The following IPCEF1 variants were observed in gnomAD, a reference collection of about 807,000 sequenced individuals.
IPCEF1 encodes the protein interaction protein for cytohesin exchange factors 1, also known as interactor protein for cytohesin exchange factors 1.
A neutral mutation model predicts 50.9 loss-of-function variants in IPCEF1; 31 were observed. The observed-to-expected ratio is 0.61, with a 90% CI of 0.46 to 0.82. IPCEF1 has a LOEUF of 0.82. Among genes scored for constraint, IPCEF1 ranks in the 40% least tolerant of loss-of-function variants. The pLI is 0.00. For synonymous variants in IPCEF1, 181 were observed against 192.0 expected (o/e 0.94, Z 0.47); for missense variants, 458 against 514.0 (o/e 0.89, Z 1.05).
At chr6:154,227,790 C>T (rs1424064241) in intron 5 of IPCEF1, among the ~76,000 whole-genome samples, 1 of 152,074 alleles carries the variant, frequency 6.6e-6, no homozygotes, top group Non-Finnish European at 1.5e-5. Context: ...TGGGTGGATT[C>T]CTTTTCTGCA....
At chr6:154,291,583 T>A (rs1017586868) in intron 1 of IPCEF1, among the ~76,000 whole-genome samples, 3 of 151,960 alleles carry the variant, frequency 2.0e-5, no homozygotes, top group Non-Finnish European at 4.4e-5. Context: ...GAGTCACTTG[T>A]AGACATAAAG....
In IPCEF1 at chr6:154,157,033, T is replaced by C. The variant is rs1798745284; in HGVS notation, c.*2795A>G. On this transcript the variant is annotated 3_prime_UTR_variant, in exon 12 of 12. Transcript: ENST00000367220. ...GACACTGCAGGACTGGGTATAGGAA[T>C]TGGCCCTTGGACCCCAGGAAACTAC... 1 of 152,246 alleles carries C rather than the reference T, an allele frequency of 6.6e-6. No homozygotes were observed. Among genetic ancestry groups the C allele is most frequent in the Non-Finnish European group, 1.5e-5 (1 of 68,088 alleles). 9.4% of individuals were successfully genotyped at this position (152,246 alleles called of 1,614,324 possible).
intron 1 of IPCEF1, among the ~76,000 whole-genome samples, chr6:154,291,990 G>A (rs901909364): frequency 2.6e-5 from 4 of 152,112 alleles, no homozygotes; most frequent in African/African-American, 9.7e-5. Flanking sequence ...GCCACACTCA[G>A]GAAATTTTAA....
chr6:154,344,092 T>C (rs1783976832), intron 1 of IPCEF1, among the ~76,000 whole-genome samples: 1 of 152,184 alleles, frequency 6.6e-6, no homozygotes, highest in African/African-American at 2.4e-5. Flanking sequence ...TCTAGCCTCC[T>C]CATAAAACTG....
intron 1 of IPCEF1, among the ~76,000 whole-genome samples, chr6:154,311,437 A>G (rs986648188): frequency 2.0e-5 from 3 of 152,164 alleles, no homozygotes; most frequent in Non-Finnish European, 4.4e-5. Flanking sequence ...TTGAATTATC[A>G]CCAATGCTAA....
intron 5 of IPCEF1, among the ~76,000 whole-genome samples, chr6:154,226,474 A>C (rs1338288928): frequency 6.6e-6 from 1 of 152,054 alleles, no homozygotes; most frequent in Non-Finnish European, 1.5e-5. Flanking sequence ...TGTGAGAGAC[A>C]TCCCCAACTC....
intron 1 of IPCEF1, among the ~76,000 whole-genome samples, chr6:154,326,116 C>T (rs1783511463): frequency 6.6e-6 from 1 of 151,432 alleles, no homozygotes; most frequent in African/African-American, 2.4e-5. Flanking sequence ...GTCCCAGCTA[C>T]TTGGGAGGCT....
At chr6:154,207,387 T>A (rs1226636046) in intron 9 of IPCEF1, among the ~76,000 whole-genome samples, 3 of 152,242 alleles carry the variant, frequency 2.0e-5, no homozygotes, top group Admixed American at 6.5e-5. Flanking sequence ...GTATATATAG[T>A]CACTGAGAAT....
rs967597111 is a variant in IPCEF1, at chr6:154,221,105, C to T, written c.392+152G>A. The T allele has an allele frequency of 1.5e-5, 9 of 593,224 alleles. No homozygotes were observed. In the East Asian group the frequency reaches 2.7e-4, roughly 18 times the overall value. The allele number at this position is 593,224 out of a possible 1,614,324, so 36.7% of individuals were successfully genotyped here. A position where few individuals can be genotyped will look rare whatever the true frequency, so the allele number is the denominator to read the frequency against. On this transcript the variant is annotated intron_variant, in intron 7 of 11. Transcript: ENST00000367220. ...CGTTTCCAAATACTAGAGAAGAAAG[C>T]ACGAAGGCATTGTAACTGCTAAATA...
intron 4 of IPCEF1, 175 bp from the exon 5 acceptor site, chr6:154,246,935 C>CA (rs10543127): frequency 0.17 from 42,012 of 249,206 alleles, 4,389 homozygotes; most frequent in East Asian, 0.27. Context: ...AAAACCAATG[C>CA]AAAAAAAAAA....
chr6:154,162,629 G>C (rs1799115778), intron 11 of IPCEF1, among the ~76,000 whole-genome samples: 2 of 152,120 alleles, frequency 1.3e-5, no homozygotes, highest in Non-Finnish European at 2.9e-5. Flanking sequence ...CTTAGTTGCT[G>C]ATTCCTCCTT....
At chr6:154,221,425 G>C (rs1330233300) in intron 6 of IPCEF1, 97 bp from the exon 7 acceptor site, 3 of 896,240 alleles carry the variant, frequency 3.3e-6, no homozygotes, top group African/African-American at 3.4e-5. Flanking sequence ...TTGTAAACTT[G>C]TCTGCTTTCT....
At chr6:154,275,086 A>G (rs1782021724) in intron 2 of IPCEF1, among the ~76,000 whole-genome samples, 1 of 152,168 alleles carries the variant, frequency 6.6e-6, no homozygotes, top group African/African-American at 2.4e-5. Flanking sequence ...GCTCTTGTTC[A>G]GTTTTACCAA....
intron 2 of IPCEF1, among the ~76,000 whole-genome samples, chr6:154,269,020 C>T (rs1285594998): frequency 6.6e-6 from 1 of 152,170 alleles, no homozygotes; most frequent in East Asian, 1.9e-4. Flanking sequence ...CCTTTAACAT[C>T]TGACTCTCCA....
At chr6:154,166,792 C>T (rs1799471584) in intron 11 of IPCEF1, among the ~76,000 whole-genome samples, 1 of 152,120 alleles carries the variant, frequency 6.6e-6, no homozygotes, top group South Asian at 2.1e-4. Flanking sequence ...AGTAAAATCC[C>T]AACACGCTAT....
chr6:154,318,690 C>T (rs1783291158), intron 1 of IPCEF1, among the ~76,000 whole-genome samples: 1 of 137,182 alleles, frequency 7.3e-6, no homozygotes, highest in East Asian at 2.1e-4. Flanking sequence ...TCCAGCCTGG[C>T]TGACAGAGTG....
At position 154,343,695 on chromosome 6, in the gene IPCEF1, T is replaced by C. The variant is rs140011738; in HGVS notation, c.-62+12977A>G. On this transcript the variant is annotated intron_variant, in intron 1 of 11. Transcript: ENST00000367220. ...TGTGCTGTGACTGCTGTAGGTGTTG[T>C]TGAGAAATTATTTTAGGCAGATAGA... Among the ~76,000 whole-genome samples the C allele has an allele frequency of 1.5e-3, 225 of 152,308 alleles. 1 individual carries two copies. The highest frequency in any genetic ancestry group is 5.2e-3 in the African/African-American group (217 of 41,570).
At chr6:154,229,558 G>A (rs1226645576) in intron 5 of IPCEF1, among the ~76,000 whole-genome samples, 1 of 151,612 alleles carries the variant, frequency 6.6e-6, no homozygotes, top group Non-Finnish European at 1.5e-5. Flanking sequence ...GGGGTTCGCC[G>A]TGTTAGCCAG....
At chr6:154,201,183 C>T (rs541866712) in intron 9 of IPCEF1, among the ~76,000 whole-genome samples, 4 of 152,276 alleles carry the variant, frequency 2.6e-5, no homozygotes, top group South Asian at 4.1e-4. Context: ...AATCTCTTTT[C>T]TTTATAAATT....
Sources: allele counts gnomAD v4.1 joint callset (sites outside exome capture counted in the v4.1 genomes callset), GRCh38; gene constraint gnomAD v4.1.1; transcripts MANE v1.5; gene names NCBI Gene and HGNC (gene_info 2026-07-23, HGNC 2026-07-21).